The following SYT1 variants were observed in gnomAD, a reference collection of about 807,000 sequenced individuals.
The protein encoded by SYT1 is synaptotagmin-1.
A neutral mutation model predicts 44.8 loss-of-function variants in SYT1; 8 were observed. That is an observed-to-expected ratio of 0.18 (90% CI 0.10 to 0.32). The LOEUF is 0.32. SYT1 is among the 10% of genes least tolerant of loss of function. The pLI, the probability that SYT1 is intolerant of heterozygous loss-of-function variation, is 1.00. For missense variants in SYT1, 286 were observed against 509.3 expected (o/e 0.56, Z 4.22); for synonymous variants, 154 against 188.8 (o/e 0.82, Z 1.51).
intron 8 of SYT1, among the ~76,000 whole-genome samples, chr12:79,340,150 C>T (rs1365732548): frequency 3.3e-5 from 5 of 152,104 alleles, no homozygotes; most frequent in African/African-American, 4.8e-5. Context: ...CTTGGCAATG[C>T]GGGCTCTTTT....
rs182490746 is a variant in SYT1 at position 79,249,841 on chromosome 12, T to C, written c.166+32156T>C. The stretch of plus-strand genomic sequence containing the variant: ...ATGAAGCCTGTTTTAGAAATTAGAG[T>C]AGAATGTAAAGTATCAAAGTTTTGA... On this transcript the variant is annotated intron_variant, in intron 4 of 10. Transcript: ENST00000261205. Among the ~76,000 whole-genome samples, 3 of 152,120 alleles carry C rather than the reference T, an allele frequency of 2.0e-5. No homozygotes were observed. The East Asian group carries it at 5.8e-4, about 29-fold the overall frequency.
intron 1 of SYT1, among the ~76,000 whole-genome samples, chr12:78,965,645 C>A (rs1879728456): frequency 6.6e-6 from 1 of 152,094 alleles, no homozygotes; most frequent in African/African-American, 2.4e-5. Flanking sequence ...TGGGGCTCAG[C>A]CACTTGCCAA....
chr12:79,009,356 C>T (rs1343097930), intron 2 of SYT1, among the ~76,000 whole-genome samples: 5 of 152,084 alleles, frequency 3.3e-5, no homozygotes, highest in African/African-American at 9.7e-5. Context: ...TAAGGCCATA[C>T]ACTCTGTGGA....
chr12:79,017,740 G>C (rs541671937), intron 2 of SYT1, among the ~76,000 whole-genome samples: 152 of 152,146 alleles, frequency 1.0e-3, no homozygotes, highest in Middle Eastern at 3.4e-3. Flanking sequence ...AGCTGTTGAA[G>C]ATTTTTGACC....
intron 9 of SYT1, among the ~76,000 whole-genome samples, chr12:79,398,964 C>T (rs547762457): frequency 6.6e-6 from 1 of 152,278 alleles, no homozygotes; most frequent in African/African-American, 2.4e-5. Context: ...TCAACACGAC[C>T]ATACGAATAA....
chr12:79,349,694 C>G (rs751843433), intron 8 of SYT1, among the ~76,000 whole-genome samples: 1 of 152,080 alleles, frequency 6.6e-6, no homozygotes, highest in African/African-American at 2.4e-5. Context: ...TTTCCAAGAA[C>G]CCTTTTAGTC....
rs113423094 is a variant in SYT1, at chr12:79,137,870, T to C, written c.-17-79633T>C. 3.2e-3 allele frequency among the ~76,000 whole-genome samples: 488 copies of C among 152,308 alleles called. 4 individuals carry two copies. The highest frequency in any genetic ancestry group is 0.011 in the African/African-American group (476 of 41,574). On this transcript the variant is annotated intron_variant, in intron 3 of 10. Coordinates refer to ENST00000261205, the MANE Select transcript of SYT1 (RefSeq NM_005639.3). ...AGCCTGCTTTTGTATTGACAGTGGATATTTCTTCCTTTCCTCTTTCTCTGC... is the reference window on the plus strand; with the variant it reads ...AGCCTGCTTTTGTATTGACAGTGGACATTTCTTCCTTTCCTCTTTCTCTGC...
intron 3 of SYT1, among the ~76,000 whole-genome samples, chr12:79,110,906 T>C (rs867517875): frequency 1.3e-5 from 2 of 152,328 alleles, no homozygotes; most frequent in African/African-American, 4.8e-5. Context: ...TGCTACTTTA[T>C]AGTCAAACTA....
intron 3 of SYT1, among the ~76,000 whole-genome samples, chr12:79,212,101 G>A (rs112324868): frequency 0.015 from 2,258 of 152,116 alleles, 39 homozygotes; most frequent in African/African-American, 0.045. Flanking sequence ...GCAAAGGCTT[G>A]GAACCAACCA....
intron 9 of SYT1, among the ~76,000 whole-genome samples, chr12:79,424,223 T>G (rs1013811777): frequency 1.3e-5 from 2 of 152,030 alleles, no homozygotes; most frequent in Non-Finnish European, 2.9e-5. Context: ...TGAAAGCTGG[T>G]TACCGTGGAG....
At chr12:78,873,177 G>A (rs1297595123) in intron 1 of SYT1, among the ~76,000 whole-genome samples, 1 of 151,508 alleles carries the variant, frequency 6.6e-6, no homozygotes, top group East Asian at 1.9e-4. Flanking sequence ...GTTGTTACTT[G>A]CCTGCAATTA....
At chr12:79,088,317 T>C (rs543517908) in intron 3 of SYT1, among the ~76,000 whole-genome samples, 48 of 152,120 alleles carry the variant, frequency 3.2e-4, no homozygotes, top group Non-Finnish European at 1.8e-4. Context: ...CTTCGGAAGG[T>C]TCAATAATTT....
rs1268073303 is a variant in SYT1 at position 79,178,937 on chromosome 12, G to GATATAGATATATCT, written c.-17-38555_-17-38554insTCTATATAGATATA. Among the ~76,000 whole-genome samples, 8 of 39,168 alleles carry GATATAGATATATCT rather than the reference G, an allele frequency of 2.0e-4. 2 individuals carry two copies. In the East Asian group the frequency reaches 4.5e-3, roughly 22 times the overall value. The allele number at this position is 39,168 out of a possible 152,430, so 25.7% of individuals were successfully genotyped here. On this transcript the variant is annotated intron_variant, in intron 3 of 10. Coordinates refer to ENST00000261205, the MANE Select transcript of SYT1 (RefSeq NM_005639.3). The stretch of plus-strand genomic sequence containing the variant: ...ATATAGATATAGATATATCTATATA[G>GATATAGATATATCT]ATATAGATATAGATATAGATATAGA...
intron 4 of SYT1, among the ~76,000 whole-genome samples, chr12:79,220,259 A>C (rs925092533): frequency 1.3e-4 from 20 of 151,918 alleles, no homozygotes; most frequent in African/African-American, 4.3e-4. Context: ...TATCAGTTGC[A>C]ATATCTCCTT....
chr12:79,348,603 T>G (rs988349524), intron 8 of SYT1, among the ~76,000 whole-genome samples: 1 of 152,232 alleles, frequency 6.6e-6, no homozygotes, highest in Non-Finnish European at 1.5e-5. Flanking sequence ...AAACATTCAC[T>G]TGGCATTAGT....
intron 1 of SYT1, among the ~76,000 whole-genome samples, chr12:78,931,693 G>C (rs953108706): frequency 6.6e-6 from 1 of 152,152 alleles, no homozygotes; most frequent in Non-Finnish European, 1.5e-5. Context: ...TCTCCTACCA[G>C]CTGCTATTGT....
At chr12:79,354,187 C>G (rs969311923) in intron 9 of SYT1, among the ~76,000 whole-genome samples, 1 of 152,126 alleles carries the variant, frequency 6.6e-6, no homozygotes, top group African/African-American at 2.4e-5. Context: ...CCATACAACC[C>G]AACCTTAGTA....
At chr12:79,028,870 G>C (rs940897501) in intron 2 of SYT1, among the ~76,000 whole-genome samples, 1 of 151,284 alleles carries the variant, frequency 6.6e-6, no homozygotes, top group African/African-American at 2.4e-5. Flanking sequence ...CAATAGAATA[G>C]TTGAAATGGG....
chr12:79,360,690 C>G (rs1883285134), intron 9 of SYT1, among the ~76,000 whole-genome samples: 1 of 152,140 alleles, frequency 6.6e-6, no homozygotes, highest in Admixed American at 6.6e-5. Flanking sequence ...GCTGTGATGT[C>G]AGAAGCTTCA....
Sources: allele counts gnomAD v4.1 joint callset (sites outside exome capture counted in the v4.1 genomes callset), GRCh38; gene constraint gnomAD v4.1.1; transcripts MANE v1.5; gene names NCBI Gene and HGNC (gene_info 2026-07-23, HGNC 2026-07-21).